The following SEMA4F variants were observed in gnomAD, a reference collection of about 807,000 sequenced individuals.
The protein encoded by SEMA4F is semaphorin-4F.
A neutral mutation model predicts 78.4 loss-of-function variants in SEMA4F; 51 were observed. The observed-to-expected ratio is 0.65, with a 90% CI of 0.52 to 0.82. SEMA4F has a LOEUF of 0.82. SEMA4F is among the 40% of genes least tolerant of loss of function. The pLI is 0.00. For synonymous variants in SEMA4F, 418 were observed against 408.7 expected (o/e 1.02, Z -0.27); for missense variants, 938 against 1,014.4 (o/e 0.92, Z 1.02).
intron 5 of SEMA4F, among the ~76,000 whole-genome samples, chr2:74,671,696 A>G (rs927604200): frequency 2.0e-5 from 3 of 152,206 alleles, no homozygotes; most frequent in Non-Finnish European, 2.9e-5. Flanking sequence ...TCTCTGACTG[A>G]TATCCTGAAG....
At chr2:74,661,794 A>G (rs1320958172) in intron 4 of SEMA4F, among the ~76,000 whole-genome samples, 1 of 152,198 alleles carries the variant, frequency 6.6e-6, no homozygotes, top group Admixed American at 6.5e-5. Context: ...ATATATATCG[A>G]TATTTCTGCA....
intron 5 of SEMA4F, among the ~76,000 whole-genome samples, chr2:74,665,228 C>CTTT (rs11348861): frequency 3.1e-5 from 4 of 128,670 alleles, no homozygotes; most frequent in African/African-American, 5.9e-5. Flanking sequence ...CACTCTTTTT[C>CTTT]TTTTTTTTTT....
At chr2:74,660,663 A>G (rs1386747334) in intron 4 of SEMA4F, among the ~76,000 whole-genome samples, 1 of 152,238 alleles carries the variant, frequency 6.6e-6, no homozygotes, top group Non-Finnish European at 1.5e-5. Flanking sequence ...CCCGAGTTAA[A>G]TGTCATTTTG....
In SEMA4F at chr2:74,658,061, C is replaced by A; in HGVS notation, c.456+110C>A. ...TTTCTGTGAGCGACCATGATGGGGG[C>A]ATGGTCAAGGCAACCATTGTGCATG... On this transcript the variant is annotated intron_variant, in intron 4 of 13. Transcript: ENST00000357877. The surrounding 1 kb of genome is among the most constrained non-coding windows in gnomAD (Gnocchi z 4.3). 2.1e-6 allele frequency: 2 copies of A among 950,768 alleles called. No homozygotes were observed. Among genetic ancestry groups the A allele is most frequent in the East Asian group, 2.4e-5 (1 of 40,922 alleles). The allele number at this position is 950,768 out of a possible 1,614,324, so 58.9% of individuals were successfully genotyped here. A position where few individuals can be genotyped will look rare whatever the true frequency, so the allele number is the denominator to read the frequency against.
chr2:74,695,625 A>G, the SEMA4F span, among the ~76,000 whole-genome samples: 1 of 152,234 alleles, frequency 6.6e-6, no homozygotes, highest in Non-Finnish European at 1.5e-5. Context: ...AACTCTTTCA[A>G]AAGAGTAAAT....
At chr2:74,661,779 A>G (rs1427568510) in intron 4 of SEMA4F, among the ~76,000 whole-genome samples, 2 of 152,166 alleles carry the variant, frequency 1.3e-5, no homozygotes, top group East Asian at 3.8e-4. Flanking sequence ...CTTATTTTTC[A>G]GGGGATATAT....
the SEMA4F span, among the ~76,000 whole-genome samples, chr2:74,690,749 A>G: frequency 1.3e-5 from 2 of 152,216 alleles, no homozygotes; most frequent in Non-Finnish European, 2.9e-5. Flanking sequence ...CCATTGCAGT[A>G]TAGTTAGATG....
intron 4 of SEMA4F, among the ~76,000 whole-genome samples, chr2:74,659,159 T>C (rs1408223661): frequency 6.6e-6 from 1 of 152,208 alleles, no homozygotes; most frequent in Non-Finnish European, 1.5e-5. Flanking sequence ...AAAATCTCTG[T>C]ATTCCCTCAG....
At chr2:74,677,074 G>A (rs377516981) in intron 12 of SEMA4F, among the ~76,000 whole-genome samples, 35 of 151,992 alleles carry the variant, frequency 2.3e-4, no homozygotes, top group African/African-American at 6.5e-4. Flanking sequence ...GCTGATTTTT[G>A]TATTTTTGGT....
rs998935173 is a variant in SEMA4F, at chr2:74,658,717, T to C, written c.456+766T>C. Reference sequence around the variant, plus strand: ...CCATCTGTTACACAGTAGTCAGCACTGGTCTTTTGGCAGCTCACATTTGTG... The same window carrying C: ...CCATCTGTTACACAGTAGTCAGCACCGGTCTTTTGGCAGCTCACATTTGTG... On this transcript the variant is annotated intron_variant, in intron 4 of 13. Coordinates refer to ENST00000357877, the MANE Select transcript of SEMA4F (RefSeq NM_004263.5). This position sits in a 1 kb window ranked among gnomAD's most constrained non-coding sequence, Gnocchi z 4.3. 3.3e-5 allele frequency among the ~76,000 whole-genome samples: 5 copies of C among 152,374 alleles called. No homozygotes were observed. The highest frequency in any genetic ancestry group is 3.4e-3 in the Middle Eastern group (1 of 294).
At chr2:74,696,513 A>G in the SEMA4F span, among the ~76,000 whole-genome samples, 1 of 151,960 alleles carries the variant, frequency 6.6e-6, no homozygotes, top group Non-Finnish European at 1.5e-5. Flanking sequence ...TCTCTTATTA[A>G]TTTCTTCTGT....
Position 74,674,670 on chromosome 2 carries a change from C to G in SEMA4F, c.995C>G (p.Ser332Cys). 4.3e-6 allele frequency: 7 copies of G among 1,613,790 alleles called. 1 individual carries two copies. The South Asian group carries it at 6.6e-5, about 15-fold the overall frequency. The change falls in exon 8 of 14, where the codon TCC becomes TGC. Residue 332 changes from serine (S) to cysteine (C), a missense_variant. Ser to Cys is a moderately radical substitution (Grantham distance 112, BLOSUM62 -1). Coordinates refer to ENST00000357877, the MANE Select transcript of SEMA4F (RefSeq NM_004263.5). The stretch of plus-strand genomic sequence containing the variant: ...CCCATCTTTTATGGCATCTTTTCTT[C>G]CCAGTGGTGAGGGGTCTTGGTGTGG... ...GTPIFYGIFS[S>C]QWEGATISAV...
In SEMA4F at chr2:74,655,283, T is replaced by C. The variant is rs969305074; in HGVS notation, c.145+762T>C. 6 of 400,362 alleles carry C rather than the reference T, an allele frequency of 1.5e-5. No homozygotes were observed. In the Admixed American group the frequency reaches 2.0e-4, roughly 13 times the overall value. 24.8% of individuals were successfully genotyped at this position (400,362 alleles called of 1,614,324 possible). A position where few individuals can be genotyped will look rare whatever the true frequency, so the allele number is the denominator to read the frequency against. On this transcript the variant is annotated intron_variant, in intron 1 of 13. Coordinates refer to ENST00000357877, the MANE Select transcript of SEMA4F (RefSeq NM_004263.5). The stretch of plus-strand genomic sequence containing the variant: ...TTTTTCAAGTCTTCAGAAGGAAAAA[T>C]AGAGGAGGGGGATATGATCCTTTGA...
intron 5 of SEMA4F, among the ~76,000 whole-genome samples, chr2:74,666,114 A>T (rs1684684193): frequency 1.3e-5 from 2 of 151,828 alleles, no homozygotes; most frequent in South Asian, 4.2e-4. Flanking sequence ...CACCATGTTG[A>T]TCAGGCTGGT....
intron 12 of SEMA4F, among the ~76,000 whole-genome samples, chr2:74,677,102 A>G (rs927805804): frequency 6.6e-6 from 1 of 152,086 alleles, no homozygotes; most frequent in Non-Finnish European, 1.5e-5. Context: ...GGGTTTCACT[A>G]CGTTGGCCAG....
At chr2:74,655,768 C>G (rs761704616) in intron 1 of SEMA4F, among the ~76,000 whole-genome samples, 1 of 152,002 alleles carries the variant, frequency 6.6e-6, no homozygotes, top group Non-Finnish European at 1.5e-5. Context: ...AGAGTGGGCA[C>G]AGAGGTAAGT....
chr2:74,679,188 T>C, intron 12 of SEMA4F, 88 bp from the exon 13 acceptor site: 1 of 991,284 alleles, frequency 1.0e-6, no homozygotes, highest in South Asian at 1.3e-5. Context: ...TGATGGGAGA[T>C]ATATTGAATG....
intron 5 of SEMA4F, among the ~76,000 whole-genome samples, chr2:74,673,089 G>A (rs777698530): frequency 4.6e-5 from 7 of 152,148 alleles, no homozygotes; most frequent in Non-Finnish European, 8.8e-5. Flanking sequence ...ATTGGGACCT[G>A]TTACAAAGCA....
intron 5 of SEMA4F, among the ~76,000 whole-genome samples, chr2:74,665,228 CTTT>C (rs11348861): frequency 1.6e-5 from 2 of 128,684 alleles, no homozygotes; most frequent in Non-Finnish European, 1.7e-5. Flanking sequence ...CACTCTTTTT[CTTT>C]TTTTTTTTTT....
Sources: allele counts gnomAD v4.1 joint callset (sites outside exome capture counted in the v4.1 genomes callset), GRCh38; gene constraint gnomAD v4.1.1; non-coding constraint Gnocchi (gnomAD v3.1); transcripts MANE v1.5; gene names NCBI Gene and HGNC (gene_info 2026-07-23, HGNC 2026-07-21).